MYRIP: variants seen among roughly 807,000 people sequenced by gnomAD.
MYRIP encodes the protein rab effector MyRIP.
Under a neutral mutation model 98.0 loss-of-function variants are expected in MYRIP, and 49 were observed. That is an observed-to-expected ratio of 0.50 (90% CI 0.40 to 0.63). The LOEUF is 0.63. Among genes scored for constraint, MYRIP ranks in the 30% least tolerant of loss-of-function variants. The pLI is 0.00. For synonymous variants in MYRIP, 404 were observed against 409.5 expected, an observed-to-expected ratio of 0.99 and a Z score of 0.16; for missense variants, 1,004 against 1,058.2, an observed-to-expected ratio of 0.95 and a Z score of 0.71.
At chr3:39,829,884 C>A (rs1941389608) in intron 1 of MYRIP, among the ~76,000 whole-genome samples, 1 of 152,124 alleles carries the variant, frequency 6.6e-6, no homozygotes, top group Non-Finnish European at 1.5e-5. Context: ...TGTACGTAGG[C>A]TCTTTCTAAC....
intron 3 of MYRIP, among the ~76,000 whole-genome samples, chr3:40,122,870 AT>A (rs987865823): frequency 8.6e-5 from 13 of 150,486 alleles, no homozygotes; most frequent in Non-Finnish European, 1.0e-4. Context: ...AAGTAGATAT[AT>A]TTTTTTTTAA....
At chr3:40,115,139 A>G (rs1029524491) in intron 3 of MYRIP, among the ~76,000 whole-genome samples, 2 of 152,220 alleles carry the variant, frequency 1.3e-5, no homozygotes, top group Non-Finnish European at 2.9e-5. Flanking sequence ...AATTTGGGAA[A>G]TATTCAAGAA....
chr3:39,967,480 C>G (rs1410726094), intron 2 of MYRIP, among the ~76,000 whole-genome samples: 1 of 152,090 alleles, frequency 6.6e-6, no homozygotes, highest in Non-Finnish European at 1.5e-5. Context: ...CTTTATCCAG[C>G]CTGTCCTTGA....
At chr3:40,253,891 A>G (rs921950096) in intron 16 of MYRIP, among the ~76,000 whole-genome samples, 6 of 152,172 alleles carry the variant, frequency 3.9e-5, no homozygotes, top group Admixed American at 3.9e-4. Context: ...GGTTTGATAT[A>G]AGAGAAATGA....
chr3:40,187,560 G>T (rs1217896322), intron 9 of MYRIP, among the ~76,000 whole-genome samples: 1 of 152,206 alleles, frequency 6.6e-6, no homozygotes, highest in African/African-American at 2.4e-5. Flanking sequence ...AGAGAACCGA[G>T]GCACAGAGGA....
chr3:39,908,437 C>A (rs781528533), intron 2 of MYRIP, among the ~76,000 whole-genome samples: 7 of 152,154 alleles, frequency 4.6e-5, no homozygotes, highest in Non-Finnish European at 8.8e-5. Flanking sequence ...CCACCCCCCC[C>A]ATTGCTCAGG....
chr3:40,141,076 T>A (rs939359932), intron 3 of MYRIP, among the ~76,000 whole-genome samples: 23 of 152,264 alleles, frequency 1.5e-4, no homozygotes, highest in South Asian at 8.3e-4. Flanking sequence ...TCTTCCTTCC[T>A]AGCCTCTGGT....
chr3:40,010,973 AT>A (rs985804549), intron 2 of MYRIP, among the ~76,000 whole-genome samples: 43 of 152,126 alleles, frequency 2.8e-4, no homozygotes, highest in African/African-American at 9.9e-4. Flanking sequence ...TCTCTTTTAC[AT>A]AAAAAAAATC....
intron 11 of MYRIP, among the ~76,000 whole-genome samples, chr3:40,210,789 G>T (rs1287407274): frequency 6.6e-6 from 1 of 152,098 alleles, no homozygotes; most frequent in Non-Finnish European, 1.5e-5. Context: ...AACCACAGAA[G>T]ATAAACTCAA....
intron 16 of MYRIP, among the ~76,000 whole-genome samples, chr3:40,257,003 A>G (rs1953614884): frequency 1.3e-5 from 2 of 152,332 alleles, no homozygotes; most frequent in South Asian, 4.1e-4. Context: ...ATAAAATATT[A>G]GCCAATTAAA....
intron 10 of MYRIP, among the ~76,000 whole-genome samples, chr3:40,191,085 A>G (rs1029972415): frequency 2.6e-5 from 4 of 152,220 alleles, no homozygotes; most frequent in African/African-American, 7.2e-5. Context: ...TCTTTAGTCT[A>G]CATCAGACCC....
chr3:40,073,353 G>A (rs565307179), intron 3 of MYRIP, among the ~76,000 whole-genome samples: 2 of 152,186 alleles, frequency 1.3e-5, no homozygotes, highest in Non-Finnish European at 2.9e-5. Flanking sequence ...AGCCCCAAGA[G>A]TTCTGCACTG....
intron 2 of MYRIP, among the ~76,000 whole-genome samples, chr3:39,939,267 A>G (rs1458736791): frequency 6.6e-6 from 1 of 152,198 alleles, no homozygotes; most frequent in Non-Finnish European, 1.5e-5. Flanking sequence ...TTGACATGAA[A>G]CAGCTCAAGA....
At chr3:40,132,054 T>C (rs1002483602) in intron 3 of MYRIP, among the ~76,000 whole-genome samples, 3 of 152,130 alleles carry the variant, frequency 2.0e-5, no homozygotes, top group Non-Finnish European at 4.4e-5. Flanking sequence ...AAAATGTGCT[T>C]ATATCATTTT....
intron 2 of MYRIP, among the ~76,000 whole-genome samples, chr3:40,000,008 A>G (rs1309859782): frequency 7.6e-6 from 1 of 130,782 alleles, no homozygotes; most frequent in African/African-American, 2.8e-5. Context: ...GGAGAACATC[A>G]CACACCAGGG....
intron 2 of MYRIP, among the ~76,000 whole-genome samples, chr3:40,041,556 A>AT (rs2125829877): frequency 6.6e-6 from 1 of 151,130 alleles, no homozygotes; most frequent in East Asian, 2.0e-4. Flanking sequence ...TTCTTCAAAA[A>AT]TGTCATGGTA....
intron 2 of MYRIP, among the ~76,000 whole-genome samples, chr3:40,022,153 A>G (rs1947013664): frequency 6.6e-6 from 1 of 152,120 alleles, no homozygotes; most frequent in African/African-American, 2.4e-5. Flanking sequence ...TTGAACTTGT[A>G]TTTGAGGAGA....
At chr3:39,974,486 G>A (rs991416723) in intron 2 of MYRIP, among the ~76,000 whole-genome samples, 1 of 152,176 alleles carries the variant, frequency 6.6e-6, no homozygotes, top group Non-Finnish European at 1.5e-5. Context: ...GGAGGAGCTA[G>A]TACCATTCCT....
intron 1 of MYRIP, among the ~76,000 whole-genome samples, chr3:39,872,931 T>C (rs1389619683): frequency 5.9e-5 from 9 of 152,214 alleles, no homozygotes; most frequent in Non-Finnish European, 1.0e-4. Flanking sequence ...CCACAATGGT[T>C]GAACTAGTTT....
Sources: gnomAD v4.1 joint callset for allele counts (sites outside exome capture counted in the v4.1 genomes callset) on GRCh38, gnomAD v4.1.1 for gene constraint, MANE v1.5 for transcripts, NCBI Gene and HGNC (gene_info 2026-07-23, HGNC 2026-07-21) for gene names.